SLC12A7: variants seen among roughly 807,000 people sequenced by gnomAD.
SLC12A7 encodes the protein K-Cl cotransporter 4.
SLC12A7 carries 100 observed loss-of-function variants against 120.6 expected under a neutral mutation model. The observed-to-expected ratio is 0.83, with a 90% CI of 0.71 to 0.98. The LOEUF (loss-of-function observed/expected upper bound fraction) is 0.98, where lower values mean the gene tolerates loss of function less well. Among genes scored for constraint, SLC12A7 ranks in the 50% least tolerant of loss-of-function variants. The probability of loss-of-function intolerance (pLI) is 0.00; values close to 1 mark genes in which losing one functional copy is unlikely to be tolerated. For missense variants in SLC12A7, 1,373 were observed against 1,548.1 expected, an observed-to-expected ratio of 0.89 and a Z score of 1.90; for synonymous variants, 760 against 678.0, an observed-to-expected ratio of 1.12 and a Z score of -1.88.
chr5:1,065,753 G>A (rs1384348927), intron 17 of SLC12A7, among the ~76,000 whole-genome samples: 2 of 152,118 alleles, frequency 1.3e-5, no homozygotes, highest in Non-Finnish European at 2.9e-5. Flanking sequence ...ACAACGCCAG[G>A]CAGTTCTCTG....
Position 1,108,092 on chromosome 5 carries a change from GCA to G in SLC12A7, c.124+3774_124+3775del, listed in dbSNP as rs375125022. ...GTGCAAGAGCACAGTACACATGTAT[GCA>G]CACGTGTGTACATATATGTGCACAT... is the stretch of plus-strand genomic sequence containing the variant. On this transcript the variant is annotated intron_variant, in intron 1 of 23. Transcript: ENST00000264930. 3.0e-4 allele frequency among the ~76,000 whole-genome samples: 45 copies of G among 152,286 alleles called. 2 individuals are homozygous for G. Among genetic ancestry groups the G allele is most frequent in the African/African-American group, 8.4e-4 (35 of 41,536 alleles).
intron 1 of SLC12A7, among the ~76,000 whole-genome samples, chr5:1,097,709 A>G (rs950293846): frequency 6.6e-6 from 1 of 152,162 alleles, no homozygotes; most frequent in African/African-American, 2.4e-5. Context: ...AATACAGAAA[A>G]GCAGGGTGTG....
At chr5:1,076,088 C>T in intron 14 of SLC12A7, 50 bp downstream of exon 14, 2 of 1,489,106 alleles carry the variant, frequency 1.3e-6, no homozygotes, top group Non-Finnish European at 1.8e-6. Flanking sequence ...GCAGAGGCAC[C>T]CAGTGTCCCA....
Position 1,064,101 on chromosome 5 carries a change from G to A in SLC12A7, c.2589C>T (p.Phe863=), listed in dbSNP as rs975189608. The part of the protein sequence containing the change: ...HDGGMLMLLP[F]LLRQHKVWRK... Reference sequence around the variant, plus strand: ...GCCCCACCTTGTGCTGGCGCAGCAGGAAGGGCAGCAGCATGAGCATGCCGC... The same window carrying A: ...GCCCCACCTTGTGCTGGCGCAGCAGAAAGGGCAGCAGCATGAGCATGCCGC... Residue 863 remains phenylalanine (F), a synonymous_variant, in exon 19 of 24, where the codon TTC becomes TTT. Transcript: ENST00000264930. The A allele has an allele frequency of 1.1e-5, 18 of 1,607,898 alleles. No homozygotes were observed. The highest frequency in any genetic ancestry group is 6.7e-5 in the African/African-American group (5 of 74,804).
At chr5:1,094,071 C>T (rs1432444680) in intron 2 of SLC12A7, 83 bp downstream of exon 2, 2 of 1,113,698 alleles carry the variant, frequency 1.8e-6, no homozygotes, top group Admixed American at 1.8e-5. Flanking sequence ...GAGGCCCCGG[C>T]CTGGGGGCCC....
rs574299259 is a variant in SLC12A7 at position 1,085,586 on chromosome 5, C to T, written c.676-113G>A. ...GGCCTCCTCCCAACAGGTGCCGGGG[C>T]CATCGGGACGCATCCGTGCTGGACG... On this transcript the variant is annotated intron_variant, in intron 6 of 23. Transcript: ENST00000264930. The T allele has an allele frequency of 1.1e-5, 15 of 1,406,288 alleles. No individual in the cohort carries two copies. The South Asian group carries it at 1.8e-4, about 17-fold the overall frequency. 87.1% of individuals were successfully genotyped at this position (1,406,288 alleles called of 1,614,324 possible).
the SLC12A7 span, among the ~76,000 whole-genome samples, chr5:1,145,575 A>T: frequency 6.6e-6 from 1 of 152,076 alleles, no homozygotes; most frequent in African/African-American, 2.4e-5. This position sits in a 1 kb window ranked among gnomAD's most constrained non-coding sequence, Gnocchi z 4.4. Context: ...CTCACAAAGG[A>T]TGTTATTTGA....
At chr5:1,082,098 T>C (rs59493982) in intron 8 of SLC12A7, among the ~76,000 whole-genome samples, 2 of 88,224 alleles carry the variant, frequency 2.3e-5, no homozygotes, top group African/African-American at 8.6e-5. Flanking sequence ...CTGGGCTTCC[T>C]CTCTAGGGTT....
the SLC12A7 span, among the ~76,000 whole-genome samples, chr5:1,136,408 C>G: frequency 6.9e-6 from 1 of 145,452 alleles, no homozygotes; most frequent in Admixed American, 6.8e-5. Flanking sequence ...ACACCAACAC[C>G]AGGACACGCA....
chr5:1,145,051 G>A, the SLC12A7 span, among the ~76,000 whole-genome samples: 34 of 152,272 alleles, frequency 2.2e-4, no homozygotes, highest in African/African-American at 7.2e-4. This position sits in a 1 kb window ranked among gnomAD's most constrained non-coding sequence, Gnocchi z 4.4. Flanking sequence ...CTGTCGGCAC[G>A]GCCAGGCCGG....
At chr5:1,122,845 C>T in the SLC12A7 span, among the ~76,000 whole-genome samples, 4 of 152,272 alleles carry the variant, frequency 2.6e-5, no homozygotes, top group African/African-American at 4.8e-5. Flanking sequence ...TTGCTATTCC[C>T]CCTATGTAGT....
At chr5:1,101,926 G>A (rs912249212) in intron 1 of SLC12A7, among the ~76,000 whole-genome samples, 18 of 152,148 alleles carry the variant, frequency 1.2e-4, no homozygotes, top group African/African-American at 4.3e-4. Context: ...GACCTACCAA[G>A]AGCCTCCCAC....
Position 1,060,359 on chromosome 5 carries a change from G to C in SLC12A7, c.2832C>G (p.Asn944Lys), listed in dbSNP as rs146559476. The change falls in exon 21 of 24, where the codon AAC becomes AAG. Residue 944 changes from asparagine (N) to lysine (K), a missense_variant. Transcript: ENST00000264930. ...CCCCACGTACCTCTCGCTCCTGCTCGTTCTTGGACAGCTGCATCTGCTTCA... is the reference window on the plus strand; with the variant it reads ...CCCCACGTACCTCTCGCTCCTGCTCCTTCTTGGACAGCTGCATCTGCTTCA... ...QMLKQMQLSK[N>K]EQEREAQLIH... is the part of the protein sequence containing the mutation. The C allele has an allele frequency of 6.2e-7, 1 of 1,613,344 alleles. No homozygotes were observed. Among genetic ancestry groups the C allele is most frequent in the Non-Finnish European group, 8.5e-7 (1 of 1,179,666 alleles).
the SLC12A7 span, among the ~76,000 whole-genome samples, chr5:1,122,713 C>A: frequency 6.6e-6 from 1 of 152,192 alleles, no homozygotes; most frequent in African/African-American, 2.4e-5. Context: ...GGCATGACGT[C>A]CACACAGCTC....
chr5:1,133,723 G>C, the SLC12A7 span, among the ~76,000 whole-genome samples: 1 of 152,146 alleles, frequency 6.6e-6, no homozygotes, highest in Admixed American at 6.5e-5. Context: ...TGGAGTTTCG[G>C]GGTATGAACA....
rs556545276 is a variant in SLC12A7 at position 1,089,239 on chromosome 5, G to A, written c.343-111C>T. 1.1e-4 allele frequency: 136 copies of A among 1,186,638 alleles called. No homozygotes were observed. In the African/African-American group the frequency reaches 2.0e-3, roughly 17 times the overall value. The allele number at this position is 1,186,638 out of a possible 1,614,324, so 73.5% of individuals were successfully genotyped here. On this transcript the variant is annotated intron_variant, in intron 3 of 23. Coordinates refer to ENST00000264930, the MANE Select transcript of SLC12A7 (RefSeq NM_006598.3). ...AGGCAAAGCGGCCGTGGGGGCAGGA[G>A]GGGGCAGGAGTCCTTCCCAGAACAG... is the stretch of plus-strand genomic sequence containing the variant.
At chr5:1,064,315 G>A (rs1448342973) in intron 18 of SLC12A7, 63 bp from the exon 19 acceptor site, 3 of 1,546,156 alleles carry the variant, frequency 1.9e-6, no homozygotes, top group Non-Finnish European at 2.6e-6. Context: ...GGCCTCCCCG[G>A]GGACTCACAG....
chr5:1,077,946 C>A lies in SLC12A7; in HGVS notation c.1516G>T (p.Val506Phe). 6.2e-7 allele frequency: 1 copy of A among 1,601,106 alleles called. No individual in the cohort carries two copies. Among genetic ancestry groups the A allele is most frequent in the Non-Finnish European group, 8.5e-7 (1 of 1,174,420 alleles). The change falls in exon 12 of 24, where the codon GTC becomes TTC. Residue 506 changes from valine to phenylalanine, a missense_variant. Val to Phe is a conservative substitution (Grantham distance 50). Transcript: ENST00000264930. Reference sequence around the variant, plus strand: ...GAGAAGAAGGAGCCGATGACGATGACCCAGGGGGAGGGCCAGGCCAGCATG... The same window carrying A: ...GAGAAGAAGGAGCCGATGACGATGAACCAGGGGGAGGGCCAGGCCAGCATG... ...IGMLAWPSPW[V>F]IVIGSFFSTC...
At chr5:1,063,217 CTG>C (rs1347009125) in intron 20 of SLC12A7, among the ~76,000 whole-genome samples, 1 of 152,238 alleles carries the variant, frequency 6.6e-6, no homozygotes, top group Non-Finnish European at 1.5e-5. Context: ...GAGGGCCTGT[CTG>C]TCCCACGTGA....
Sources: gnomAD v4.1 joint callset for allele counts (sites outside exome capture counted in the v4.1 genomes callset) on GRCh38, gnomAD v4.1.1 for gene constraint, Gnocchi (gnomAD v3.1) non-coding constraint, MANE v1.5 for transcripts, NCBI Gene and HGNC (gene_info 2026-07-23, HGNC 2026-07-21) for gene names.